Variants in KLF12 observed in about 807,000 individuals in gnomAD.
The protein encoded by KLF12 is Krueppel-like factor 12.
Under a neutral mutation model 37.8 loss-of-function variants are expected in KLF12, and 9 were observed. The ratio of observed to expected loss-of-function variants is 0.24; its 90% confidence interval spans 0.14 to 0.42. The LOEUF is 0.42. Ranked by LOEUF, KLF12 falls within the 10% of genes least tolerant of loss-of-function variation. KLF12 has a pLI of 1.00. For missense variants in KLF12, 411 were observed against 516.0 expected (o/e 0.80, Z 1.97); for synonymous variants, 208 against 202.1 (o/e 1.03, Z -0.25).
intron 6 of KLF12, among the ~76,000 whole-genome samples, chr13:73,746,683 T>C (rs903914182): frequency 2.6e-5 from 4 of 152,074 alleles, no homozygotes; most frequent in Non-Finnish European, 4.4e-5. Flanking sequence ...TTGATAAGAG[T>C]CTTAAAACAT....
chr13:73,950,113 C>T (rs1890590388), intron 2 of KLF12, among the ~76,000 whole-genome samples: 3 of 152,142 alleles, frequency 2.0e-5, no homozygotes, highest in Admixed American at 2.0e-4. Context: ...TTTTAATTTC[C>T]TGATAGCAAT....
At chr13:74,148,503 C>G in the KLF12 span, among the ~76,000 whole-genome samples, 1 of 146,542 alleles carries the variant, frequency 6.8e-6, no homozygotes, top group African/African-American at 2.5e-5. Flanking sequence ...CACCCCACCC[C>G]GCACTCTGCT....
At chr13:74,175,944 T>A in the KLF12 span, among the ~76,000 whole-genome samples, 3 of 152,188 alleles carry the variant, frequency 2.0e-5, no homozygotes, top group Non-Finnish European at 4.4e-5. Context: ...GCCAAGGATT[T>A]TCTGTGTTTC....
At chr13:74,221,193 A>G in the KLF12 span, among the ~76,000 whole-genome samples, 3 of 152,114 alleles carry the variant, frequency 2.0e-5, no homozygotes, top group Admixed American at 1.3e-4. Flanking sequence ...TTTTTCGTAG[A>G]GACGGGGTTT....
At chr13:74,148,896 C>G in the KLF12 span, among the ~76,000 whole-genome samples, 1 of 152,154 alleles carries the variant, frequency 6.6e-6, no homozygotes, top group Admixed American at 6.5e-5. Flanking sequence ...CTCACTGCAG[C>G]CTCCGCCTCC....
intron 3 of KLF12, among the ~76,000 whole-genome samples, chr13:73,864,412 T>C (rs1886074793): frequency 6.6e-6 from 1 of 152,068 alleles, no homozygotes; most frequent in African/African-American, 2.4e-5. Flanking sequence ...ATAAGCAATA[T>C]GATTGGAAAT....
At chr13:74,234,340 G>T in the KLF12 span, among the ~76,000 whole-genome samples, 1 of 152,140 alleles carries the variant, frequency 6.6e-6, no homozygotes, top group African/African-American at 2.4e-5. Context: ...GAAAGACCTG[G>T]ATTCAAATCT....
intron 7 of KLF12, among the ~76,000 whole-genome samples, chr13:73,699,292 A>AC (rs1322922042): frequency 6.6e-6 from 1 of 151,756 alleles, no homozygotes; most frequent in Non-Finnish European, 1.5e-5. Context: ...AGCTGAGGTG[A>AC]AAGGATTGCT....
intron 5 of KLF12, among the ~76,000 whole-genome samples, chr13:73,778,383 T>C (rs185144978): frequency 5.1e-4 from 78 of 152,266 alleles, no homozygotes; most frequent in African/African-American, 1.8e-3. Flanking sequence ...GGTCTCCCTC[T>C]GTATGACTCC....
the KLF12 span, among the ~76,000 whole-genome samples, chr13:74,173,729 C>A: frequency 6.6e-6 from 1 of 152,138 alleles, no homozygotes; most frequent in East Asian, 1.9e-4. Flanking sequence ...AAGATTTGGT[C>A]TTTTTGTTAT....
intron 3 of KLF12, among the ~76,000 whole-genome samples, chr13:73,847,535 C>T (rs1885096124): frequency 6.6e-6 from 1 of 151,956 alleles, no homozygotes; most frequent in Non-Finnish European, 1.5e-5. Flanking sequence ...TCAAAACATA[C>T]AATAGGCAGT....
the KLF12 span, among the ~76,000 whole-genome samples, chr13:74,290,876 A>G: frequency 6.6e-6 from 1 of 152,248 alleles, no homozygotes; most frequent in Non-Finnish European, 1.5e-5. Context: ...AACGCAACAT[A>G]GGAAAAGTCT....
chr13:74,267,903 G>A, the KLF12 span, among the ~76,000 whole-genome samples: 1 of 152,098 alleles, frequency 6.6e-6, no homozygotes, highest in South Asian at 2.1e-4. Flanking sequence ...GGAGAAGAGA[G>A]ACACAGAGAA....
chr13:74,149,067 G>A, the KLF12 span, among the ~76,000 whole-genome samples: 3 of 152,070 alleles, frequency 2.0e-5, no homozygotes, highest in African/African-American at 4.8e-5. Flanking sequence ...TGCCAGTCTC[G>A]GCCTCCCAAA....
intron 1 of KLF12, among the ~76,000 whole-genome samples, chr13:74,047,317 C>T (rs563815372): frequency 6.6e-6 from 1 of 151,998 alleles, no homozygotes; most frequent in Non-Finnish European, 1.5e-5. Context: ...CCAGGCCAGG[C>T]GCGGTGGCTC....
At chr13:74,195,854 G>A in the KLF12 span, among the ~76,000 whole-genome samples, 1 of 152,120 alleles carries the variant, frequency 6.6e-6, no homozygotes, top group East Asian at 1.9e-4. Flanking sequence ...AAACTGCTGG[G>A]ATTACAGGTG....
chr13:74,229,878 C>T, the KLF12 span, among the ~76,000 whole-genome samples: 2 of 152,164 alleles, frequency 1.3e-5, no homozygotes, highest in South Asian at 2.1e-4. Flanking sequence ...ATCCTAACTC[C>T]TTATCTTCTA....
At chr13:74,063,939 C>T (rs777968809) in intron 1 of KLF12, among the ~76,000 whole-genome samples, 1 of 152,198 alleles carries the variant, frequency 6.6e-6, no homozygotes, top group African/African-American at 2.4e-5. Flanking sequence ...TTTAGATTAA[C>T]TGCTTCAGTG....
intron 3 of KLF12, among the ~76,000 whole-genome samples, chr13:73,914,412 C>T (rs1007867061): frequency 3.3e-5 from 5 of 152,208 alleles, no homozygotes; most frequent in African/African-American, 1.2e-4. Flanking sequence ...GGCATTTTCA[C>T]TAACTCCTAC....
Sources: gnomAD v4.1 joint callset for allele counts (sites outside exome capture counted in the v4.1 genomes callset) on GRCh38, gnomAD v4.1.1 for gene constraint, MANE v1.5 for transcripts, NCBI Gene and HGNC (gene_info 2026-07-23, HGNC 2026-07-21) for gene names.